ZPBP: variants seen among roughly 807,000 people sequenced by gnomAD.
ZPBP encodes zona pellucida-binding protein 1.
Under a neutral mutation model 44.8 loss-of-function variants are expected in ZPBP, and 26 were observed. The observed-to-expected ratio is 0.58, with a 90% CI of 0.43 to 0.81. The LOEUF is 0.81. ZPBP is among the 30% of genes least tolerant of loss of function. The pLI is 0.00. For synonymous variants in ZPBP, 174 were observed against 153.2 expected, an observed-to-expected ratio of 1.14 and a Z score of -1.00; for missense variants, 409 against 434.0, an observed-to-expected ratio of 0.94 and a Z score of 0.51.
At position 50,093,095 on chromosome 7, in the gene ZPBP, C is replaced by G; in HGVS notation, c.100G>C (p.Ala34Pro). 6.3e-7 allele frequency: 1 copy of G among 1,599,466 alleles called. No individual in the cohort carries two copies. The highest frequency in any genetic ancestry group is 8.5e-7 in the Non-Finnish European group (1 of 1,173,302). ...SRAAILLFIS[A>P]FLVRVPSSVG... Reference sequence around the variant, plus strand: ...GATGAGGGCACCCGCACCAGGAAGGCGGAGATAAAGAGGAGGATGGCGGCC... The same window carrying G: ...GATGAGGGCACCCGCACCAGGAAGGGGGAGATAAAGAGGAGGATGGCGGCC... Residue 34 changes from alanine (A) to proline (P), a missense_variant, in exon 1 of 8, where the codon GCC becomes CCC. By Grantham distance (27) the Ala-to-Pro change is conservative. Around this residue, in one of 2 missense-constraint regions of ZPBP, gnomAD observed 367 missense variants for 363.1 expected, o/e 1.01. Transcript: ENST00000046087.
At chr7:49,881,631 TG>T (rs1701268464) in intron 2 of ZPBP, among the ~76,000 whole-genome samples, 1 of 152,182 alleles carries the variant, frequency 6.6e-6, no homozygotes, top group African/African-American at 2.4e-5. Context: ...ATCTGTGCCT[TG>T]CTTGTCTCAA....
At chr7:49,853,309 C>T (rs549175695) in intron 2 of ZPBP, among the ~76,000 whole-genome samples, 19 of 152,362 alleles carry the variant, frequency 1.2e-4, no homozygotes, top group African/African-American at 4.1e-4. Context: ...GCCCCCAGCA[C>T]TTGCCCATGG....
the ZPBP span, among the ~76,000 whole-genome samples, chr7:49,840,917 C>T: frequency 3.3e-5 from 5 of 152,138 alleles, no homozygotes; most frequent in Non-Finnish European, 5.9e-5. Context: ...AGCTGGTCAA[C>T]ACTATAGTGG....
At chr7:49,858,727 C>T (rs981000448) in intron 2 of ZPBP, among the ~76,000 whole-genome samples, 2 of 151,982 alleles carry the variant, frequency 1.3e-5, no homozygotes, top group African/African-American at 4.8e-5. Context: ...GAAAGCTATA[C>T]ATAAGAAAGA....
At chr7:49,939,421 C>G (rs915020440) in intron 7 of ZPBP, among the ~76,000 whole-genome samples, 1 of 152,092 alleles carries the variant, frequency 6.6e-6, no homozygotes, top group African/African-American at 2.4e-5. Context: ...TGTAGCACTC[C>G]TTCCTAGTAT....
At chr7:49,966,447 T>C (rs1175484392) in intron 7 of ZPBP, among the ~76,000 whole-genome samples, 3 of 152,100 alleles carry the variant, frequency 2.0e-5, no homozygotes, top group South Asian at 2.1e-4. Flanking sequence ...CACCAGGCCA[T>C]AAAACATTTT....
intron 1 of ZPBP, among the ~76,000 whole-genome samples, chr7:50,090,348 T>C (rs1433111455): frequency 1.3e-5 from 2 of 152,008 alleles, no homozygotes; most frequent in African/African-American, 4.8e-5. Flanking sequence ...GAACATATAA[T>C]GTTTGGTTTT....
At chr7:49,878,775 G>A (rs992193215) in intron 2 of ZPBP, among the ~76,000 whole-genome samples, 1 of 152,158 alleles carries the variant, frequency 6.6e-6, no homozygotes, top group Non-Finnish European at 1.5e-5. Context: ...ACATGGGTTA[G>A]ACCAGGTGTG....
At chr7:50,041,333 TGG>T in intron 4 of ZPBP, among the ~76,000 whole-genome samples, 1 of 152,300 alleles carries the variant, frequency 6.6e-6, no homozygotes, top group South Asian at 2.1e-4. Flanking sequence ...CCTCCTCAAG[TGG>T]GTCCCTGACC....
chr7:49,997,230 T>A (rs1026104506), intron 6 of ZPBP, among the ~76,000 whole-genome samples: 2 of 152,214 alleles, frequency 1.3e-5, no homozygotes, highest in African/African-American at 4.8e-5. Context: ...CATTTCTAAT[T>A]CACTTACAGT....
At chr7:49,948,244 T>A (rs1381654489) in intron 7 of ZPBP, among the ~76,000 whole-genome samples, 1 of 152,212 alleles carries the variant, frequency 6.6e-6, no homozygotes, top group Non-Finnish European at 1.5e-5. Flanking sequence ...CTTTTTTGTG[T>A]GGACAGTTGT....
At chr7:49,869,697 C>T (rs1275974854) in intron 2 of ZPBP, among the ~76,000 whole-genome samples, 2 of 152,122 alleles carry the variant, frequency 1.3e-5, no homozygotes, top group African/African-American at 4.8e-5. Context: ...GATGTAAAGC[C>T]ACTGGACTGC....
At chr7:49,977,307 A>G (rs1202681966) in intron 7 of ZPBP, among the ~76,000 whole-genome samples, 1 of 152,040 alleles carries the variant, frequency 6.6e-6, no homozygotes, top group Non-Finnish European at 1.5e-5. Context: ...TTTCGTACTG[A>G]TAATAGAACT....
intron 6 of ZPBP, among the ~76,000 whole-genome samples, chr7:49,992,044 T>C (rs1162076466): frequency 6.6e-6 from 1 of 151,934 alleles, no homozygotes; most frequent in Non-Finnish European, 1.5e-5. Context: ...TAATTCACAG[T>C]GGACAAAGAA....
At chr7:49,880,770 A>G (rs1012378611) in intron 2 of ZPBP, among the ~76,000 whole-genome samples, 2 of 152,080 alleles carry the variant, frequency 1.3e-5, no homozygotes, top group African/African-American at 4.8e-5. Flanking sequence ...AACATGGCAC[A>G]TGTATACATA....
intron 7 of ZPBP, among the ~76,000 whole-genome samples, chr7:49,964,568 G>C (rs1324195953): frequency 6.6e-6 from 1 of 151,994 alleles, no homozygotes; most frequent in East Asian, 1.9e-4. Context: ...AAATACTGAT[G>C]AGAGAAACTT....
At chr7:49,875,392 A>AAAAG (rs1791368054) in intron 2 of ZPBP, among the ~76,000 whole-genome samples, 1 of 150,158 alleles carries the variant, frequency 6.7e-6, no homozygotes, top group Admixed American at 6.7e-5. Flanking sequence ...AAAAAAAAAA[A>AAAAG]AAAAACAGGA....
At chr7:49,944,048 C>A in intron 7 of ZPBP, 1 of 251,088 alleles carries the variant, frequency 4.0e-6, no homozygotes, top group South Asian at 4.8e-5. Context: ...GGAACGTGCA[C>A]CTTTGAGTTG....
At chr7:50,070,022 T>C (rs1345804564) in intron 3 of ZPBP, among the ~76,000 whole-genome samples, 1 of 152,096 alleles carries the variant, frequency 6.6e-6, no homozygotes, top group African/African-American at 2.4e-5. Flanking sequence ...GGACTCCTAA[T>C]TGGACAAAAC....
Sources: allele counts gnomAD v4.1 joint callset (sites outside exome capture counted in the v4.1 genomes callset), GRCh38; gene constraint gnomAD v4.1.1; regional missense constraint gnomAD v4.1.1; transcripts MANE v1.5; gene names NCBI Gene and HGNC (gene_info 2026-07-23, HGNC 2026-07-21).